The following ADAT2 variants were observed in gnomAD, a reference collection of about 807,000 sequenced individuals.
ADAT2 encodes adenosine deaminase tRNA specific 2.
ADAT2 carries 26 observed loss-of-function variants against 25.9 expected under a neutral mutation model. That is an observed-to-expected ratio of 1.00 (90% CI 0.74 to 1.39). The LOEUF is 1.39. Among genes scored for constraint, ADAT2 ranks in the 40% most tolerant of loss-of-function variants. ADAT2 has a pLI of 0.00. For missense variants in ADAT2, 220 were observed against 244.8 expected (o/e 0.90, Z 0.68); for synonymous variants, 76 against 86.8 (o/e 0.88, Z 0.69).
At chr6:143,443,524 C>T (rs1217786953) in intron 1 of ADAT2, among the ~76,000 whole-genome samples, 1 of 151,954 alleles carries the variant, frequency 6.6e-6, no homozygotes, top group Admixed American at 6.6e-5. Context: ...CAGCAAGACC[C>T]CATCTCTAAA....
intron 1 of ADAT2, among the ~76,000 whole-genome samples, chr6:143,443,038 C>T (rs1284732235): frequency 6.6e-6 from 1 of 152,140 alleles, no homozygotes; most frequent in Non-Finnish European, 1.5e-5. Context: ...TTATTGAAAG[C>T]TTACTTTGAT....
In ADAT2 at chr6:143,440,601, G is replaced by T. The variant is rs554676958; in HGVS notation, c.97-1907C>A. On this transcript the variant is annotated intron_variant, in intron 1 of 5. Coordinates refer to ENST00000237283, the MANE Select transcript of ADAT2 (RefSeq NM_182503.3). This position sits in a 1 kb window ranked among gnomAD's most constrained non-coding sequence, Gnocchi z 4.5. ...TATTTTATGAACTATCCACAGGCCG[G>T]TTGTGTCCCAGTTCTGTGACAGTGG... Among the ~76,000 whole-genome samples, 3 of 152,298 alleles carry T rather than the reference G, an allele frequency of 2.0e-5. No individual in the cohort carries two copies. Among genetic ancestry groups the T allele is most frequent in the South Asian group, 2.1e-4 (1 of 4,822 alleles).
In ADAT2 at chr6:143,444,931, G is replaced by A; in HGVS notation, c.96+5632C>T. ...AGGGGGAGAGATGGAAACAGACCTT[G>A]TTTGCACACAGTTTGATGAGTCCTT... On this transcript the variant is annotated intron_variant, in intron 1 of 5. Coordinates refer to ENST00000237283, the MANE Select transcript of ADAT2 (RefSeq NM_182503.3). This position sits in a 1 kb window ranked among gnomAD's most constrained non-coding sequence, Gnocchi z 4.3. 7.7e-7 allele frequency: 1 copy of A among 1,303,038 alleles called. No individual in the cohort carries two copies. The highest frequency in any genetic ancestry group is 1.2e-5 in the South Asian group (1 of 80,744). The allele number at this position is 1,303,038 out of a possible 1,614,324, so 80.7% of individuals were successfully genotyped here.
At chr6:143,438,322 A>C (rs539547519) in intron 2 of ADAT2, among the ~76,000 whole-genome samples, 1 of 152,360 alleles carries the variant, frequency 6.6e-6, no homozygotes, top group East Asian at 1.9e-4. Context: ...GCATTAGAGT[A>C]AAACTCTATG....
rs574104543 is a variant in ADAT2, at chr6:143,428,392, G to A, written c.*71C>T. The A allele has an allele frequency of 5.8e-5, 87 of 1,500,428 alleles. No individual in the cohort carries two copies. The Admixed American group carries it at 9.0e-4, about 16-fold the overall frequency. The allele number at this position is 1,500,428 out of a possible 1,614,324, so 92.9% of individuals were successfully genotyped here. A position where few individuals can be genotyped will look rare whatever the true frequency, so the allele number is the denominator to read the frequency against. On this transcript the variant is annotated 3_prime_UTR_variant, in exon 6 of 6. Coordinates refer to ENST00000237283, the MANE Select transcript of ADAT2 (RefSeq NM_182503.3). The surrounding 1 kb of genome is among the most constrained non-coding windows in gnomAD (Gnocchi z 5.0). ...ATATATAAACATATGATTCAACGAT[G>A]TCAACAGCTTTCAGTCTATGAATCT...
chr6:143,428,405 A>T lies in ADAT2; in HGVS notation c.*58T>A. ...TGATTCAACGATGTCAACAGCTTTC[A>T]GTCTATGAATCTTGTCCAGGTCACT... On this transcript the variant is annotated 3_prime_UTR_variant, in exon 6 of 6. Transcript: ENST00000237283. This position sits in a 1 kb window ranked among gnomAD's most constrained non-coding sequence, Gnocchi z 5.0. 1 of 1,546,100 alleles carries T rather than the reference A, an allele frequency of 6.5e-7. No homozygotes were observed. The highest frequency in any genetic ancestry group is 8.9e-7 in the Non-Finnish European group (1 of 1,128,934).
At chr6:143,450,502 G>C in intron 1 of ADAT2, 61 bp downstream of exon 1, 1 of 1,548,860 alleles carries the variant, frequency 6.5e-7, no homozygotes, top group African/African-American at 1.4e-5. Context: ...CAAATGCCGG[G>C]GTCGGGTTGA....
rs188413585 is a variant in ADAT2, at chr6:143,425,240, T to C, written c.*3223A>G. 52 of 151,252 alleles carry C rather than the reference T, an allele frequency of 3.4e-4. No individual in the cohort carries two copies. The highest frequency in any genetic ancestry group is 1.2e-3 in the African/African-American group (51 of 41,114). 9.4% of individuals were successfully genotyped at this position (151,252 alleles called of 1,614,324 possible). A position where few individuals can be genotyped will look rare whatever the true frequency, so the allele number is the denominator to read the frequency against. The stretch of plus-strand genomic sequence containing the variant: ...CTAAAAGAAGCTAAAGGCAGACCGG[T>C]GCAGTGGCTCACGTCTATAATCCCA... On this transcript the variant is annotated 3_prime_UTR_variant, in exon 6 of 6. Transcript: ENST00000237283.
chr6:143,448,944 G>A (rs953916593), intron 1 of ADAT2, among the ~76,000 whole-genome samples: 7 of 152,112 alleles, frequency 4.6e-5, no homozygotes, highest in African/African-American at 1.4e-4. Flanking sequence ...TTCCTTTTAC[G>A]TCGGAAAGTA....
rs1779482440 is a variant in ADAT2 at position 143,442,337 on chromosome 6, T to C, written c.97-3643A>G. Reference sequence around the variant, plus strand: ...TTACAGATTCATGTACATAGCATTTTTGAATTATAAAATTATAGACAGAGA... The same window carrying C: ...TTACAGATTCATGTACATAGCATTTCTGAATTATAAAATTATAGACAGAGA... On this transcript the variant is annotated intron_variant, in intron 1 of 5. Coordinates refer to ENST00000237283, the MANE Select transcript of ADAT2 (RefSeq NM_182503.3). This position sits in a 1 kb window ranked among gnomAD's most constrained non-coding sequence, Gnocchi z 4.6. Among the ~76,000 whole-genome samples, 3 of 130,260 alleles carry C rather than the reference T, an allele frequency of 2.3e-5. No individual in the cohort carries two copies. In the Admixed American group the frequency reaches 2.4e-4, roughly 10 times the overall value. 85.5% of individuals were successfully genotyped at this position (130,260 alleles called of 152,430 possible). A position where few individuals can be genotyped will look rare whatever the true frequency, so the allele number is the denominator to read the frequency against.
At chr6:143,448,303 A>G (rs1779655652) in intron 1 of ADAT2, among the ~76,000 whole-genome samples, 1 of 152,130 alleles carries the variant, frequency 6.6e-6, no homozygotes, top group Non-Finnish European at 1.5e-5. Context: ...CCTAATGTAA[A>G]TGACGAGTTA....
chr6:143,433,273 T>A (rs1433177080), intron 3 of ADAT2, among the ~76,000 whole-genome samples: 1 of 152,128 alleles, frequency 6.6e-6, no homozygotes, highest in Non-Finnish European at 1.5e-5. Context: ...CCCTACAGAG[T>A]CTCTGCACTA....
At chr6:143,449,923 G>C (rs1779712556) in intron 1 of ADAT2, 1 of 152,204 alleles carries the variant, frequency 6.6e-6, no homozygotes. Context: ...AATGCTCCAG[G>C]ATAACGACCT....
chr6:143,439,807 T>C (rs1310522313), intron 1 of ADAT2, among the ~76,000 whole-genome samples: 1 of 152,130 alleles, frequency 6.6e-6, no homozygotes, highest in Non-Finnish European at 1.5e-5. Context: ...GAAGGATACA[T>C]TTACAACCTG....
chr6:143,425,632 CTG>C lies in ADAT2; in HGVS notation c.*2829_*2830del, dbSNP rs900257354. 2.5e-4 allele frequency: 38 copies of C among 151,580 alleles called. No individual in the cohort carries two copies. The highest frequency in any genetic ancestry group is 8.0e-4 in the African/African-American group (33 of 41,256). 9.4% of individuals were successfully genotyped at this position (151,580 alleles called of 1,614,324 possible). ...GACATTATTGGGTCAGCTGACAAAA[CTG>C]TAATACAAATGATAGATTCAAGTAT... On this transcript the variant is annotated 3_prime_UTR_variant, in exon 6 of 6. Transcript: ENST00000237283.
At chr6:143,447,821 T>C (rs1340253105) in intron 1 of ADAT2, among the ~76,000 whole-genome samples, 1 of 152,190 alleles carries the variant, frequency 6.6e-6, no homozygotes, top group Non-Finnish European at 1.5e-5. Flanking sequence ...GTTCAACCAT[T>C]GTGGAAGACA....
chr6:143,445,659 C>T (rs1779579727), intron 1 of ADAT2, among the ~76,000 whole-genome samples: 1 of 152,130 alleles, frequency 6.6e-6, no homozygotes, highest in African/African-American at 2.4e-5. Flanking sequence ...ATGTTACTTA[C>T]CAACCTTTTC....
At position 143,446,707 on chromosome 6, in the gene ADAT2, T is replaced by C. The variant is rs1583992477; in HGVS notation, c.96+3856A>G. Among the ~76,000 whole-genome samples the C allele has an allele frequency of 6.6e-6, 1 of 150,892 alleles. No homozygotes were observed. The highest frequency in any genetic ancestry group is 2.1e-4 in the South Asian group (1 of 4,754). On this transcript the variant is annotated intron_variant, in intron 1 of 5. Coordinates refer to ENST00000237283, the MANE Select transcript of ADAT2 (RefSeq NM_182503.3). This position sits in a 1 kb window ranked among gnomAD's most constrained non-coding sequence, Gnocchi z 5.0. ...AACACCGAGAGGCAGGCCAGGCCAG[T>C]ATTTAACAGCAGATGACAGGCCTCA...
Position 143,434,001 on chromosome 6 carries a change from T to C in ADAT2, c.202-20A>G, listed in dbSNP as rs1562638838. On this transcript the variant is annotated intron_variant, in intron 2 of 5. Coordinates refer to ENST00000237283, the MANE Select transcript of ADAT2 (RefSeq NM_182503.3). This position sits in a 1 kb window ranked among gnomAD's most constrained non-coding sequence, Gnocchi z 4.5. ...AGTAGCCTGAAAAGAGAAAGGGGCTTGCACTGATGCTGTTTGCTTCATGTG... is the reference window on the plus strand; with the variant it reads ...AGTAGCCTGAAAAGAGAAAGGGGCTCGCACTGATGCTGTTTGCTTCATGTG... The C allele has an allele frequency of 6.2e-7, 1 of 1,612,532 alleles. No homozygotes were observed. Among genetic ancestry groups the C allele is most frequent in the Non-Finnish European group, 8.5e-7 (1 of 1,179,630 alleles).
Sources: allele counts gnomAD v4.1 joint callset (sites outside exome capture counted in the v4.1 genomes callset), GRCh38; gene constraint gnomAD v4.1.1; non-coding constraint Gnocchi (gnomAD v3.1); transcripts MANE v1.5; gene names NCBI Gene and HGNC (gene_info 2026-07-23, HGNC 2026-07-21).